SMYD3: variants seen among roughly 807,000 people sequenced by gnomAD.
SMYD3 encodes histone-lysine N-methyltransferase SMYD3.
In SMYD3, 36 loss-of-function variants were observed where a neutral mutation model predicts 57.7. That is an observed-to-expected ratio of 0.62 (90% CI 0.48 to 0.82). SMYD3 has a LOEUF of 0.82. Ranked by LOEUF, SMYD3 falls within the 40% of genes least tolerant of loss-of-function variation. The pLI is 0.00. For missense variants in SMYD3, 515 were observed against 538.8 expected, an observed-to-expected ratio of 0.96 and a Z score of 0.44; for synonymous variants, 211 against 195.0, an observed-to-expected ratio of 1.08 and a Z score of -0.68.
chr1:246,074,913 T>TACACACACACACACACACACACACAC, intron 5 of SMYD3, among the ~76,000 whole-genome samples: 1 of 148,472 alleles, frequency 6.7e-6, no homozygotes, highest in African/African-American at 2.5e-5. Flanking sequence ...GCTAAAGCAA[T>TACACACACACACACACACACACACAC]ACACACACAC....
intron 5 of SMYD3, among the ~76,000 whole-genome samples, chr1:246,101,465 G>A (rs2061014718): frequency 6.6e-6 from 1 of 151,956 alleles, no homozygotes; most frequent in Admixed American, 6.6e-5. Flanking sequence ...TCTTTCAACT[G>A]GCAGGAATTT....
intron 8 of SMYD3, among the ~76,000 whole-genome samples, chr1:245,893,369 C>T (rs1042774753): frequency 6.6e-6 from 1 of 152,094 alleles, no homozygotes; most frequent in Non-Finnish European, 1.5e-5. Flanking sequence ...AGGTATTTGT[C>T]CAAATAAAAT....
At chr1:246,027,970 G>C (rs983361804) in intron 5 of SMYD3, among the ~76,000 whole-genome samples, 1 of 152,150 alleles carries the variant, frequency 6.6e-6, no homozygotes, top group African/African-American at 2.4e-5. Context: ...ACAAGAGTTT[G>C]GAAGGTTGAT....
chr1:246,265,527 G>A lies in SMYD3; in HGVS notation c.531+61674C>T, dbSNP rs188714890. Among the ~76,000 whole-genome samples, 616 of 152,218 alleles carry A rather than the reference G, an allele frequency of 4.0e-3. 3 individuals are homozygous for A. Among genetic ancestry groups the A allele is most frequent in the African/African-American group, 0.014 (585 of 41,530 alleles). Reference sequence around the variant, plus strand: ...TGTGAGCCAGGAGAAAGAGACAAGAGGCTGACTCCAGAAAAACTGCAGTCT... The same window carrying A: ...TGTGAGCCAGGAGAAAGAGACAAGAAGCTGACTCCAGAAAAACTGCAGTCT... On this transcript the variant is annotated intron_variant, in intron 5 of 11. Transcript: ENST00000490107.
rs2051367724 is a variant in SMYD3 at position 245,858,492 on chromosome 1, T to C, written c.1076+4A>G. 3 of 1,612,470 alleles carry C rather than the reference T, an allele frequency of 1.9e-6. No individual in the cohort carries two copies. The highest frequency in any genetic ancestry group is 1.3e-5 in the African/African-American group (1 of 74,836). On this transcript the variant is annotated splice_donor_region_variant and intron_variant, in intron 10 of 11. Coordinates refer to ENST00000490107, the MANE Select transcript of SMYD3 (RefSeq NM_001167740.2). ...CTTATGTCAGCCCTCTCCCTGGGAC[T>C]TGCCTGTATGGCTCCATGGTCCGAG... is the stretch of plus-strand genomic sequence containing the variant.
chr1:246,282,141 G>A (rs1304130099), intron 5 of SMYD3, among the ~76,000 whole-genome samples: 1 of 151,736 alleles, frequency 6.6e-6, no homozygotes, highest in Non-Finnish European at 1.5e-5. Context: ...AAAGACAGAA[G>A]ATCATAAAAA....
chr1:245,811,630 C>G (rs2048477641), intron 10 of SMYD3, among the ~76,000 whole-genome samples: 1 of 152,178 alleles, frequency 6.6e-6, no homozygotes, highest in Non-Finnish European at 1.5e-5. Context: ...TCCACCCTCT[C>G]TCTACCAGAC....
chr1:245,998,476 C>T (rs1161150143), intron 5 of SMYD3, among the ~76,000 whole-genome samples: 1 of 152,176 alleles, frequency 6.6e-6, no homozygotes, highest in Non-Finnish European at 1.5e-5. Context: ...CAACCACATG[C>T]CCATCCCATT....
chr1:245,843,548 G>A (rs879619361), intron 10 of SMYD3, among the ~76,000 whole-genome samples: 14,126 of 47,410 alleles, frequency 0.3, 899 homozygotes, highest in East Asian at 0.55. Flanking sequence ...ATATGTGTGT[G>A]TGTGTGTGTG....
intron 5 of SMYD3, among the ~76,000 whole-genome samples, chr1:246,076,996 T>C (rs2060560886): frequency 6.6e-6 from 1 of 152,286 alleles, no homozygotes; most frequent in East Asian, 1.9e-4. Context: ...AGGAAAAGTT[T>C]GTCCTTGCAG....
At chr1:246,103,112 C>T (rs4654196) in intron 5 of SMYD3, among the ~76,000 whole-genome samples, 5 of 151,938 alleles carry the variant, frequency 3.3e-5, no homozygotes, top group African/African-American at 1.2e-4. Flanking sequence ...ACAAGGTAAG[C>T]TGTCAATAAA....
intron 10 of SMYD3, among the ~76,000 whole-genome samples, chr1:245,813,005 C>CTTTTTTTT (rs770448717): frequency 4.0e-5 from 3 of 75,628 alleles, no homozygotes; most frequent in African/African-American, 1.0e-4. Flanking sequence ...GAGACAGCTT[C>CTTTTTTTT]TTTTTTTTTT....
intron 5 of SMYD3, among the ~76,000 whole-genome samples, chr1:245,952,421 G>A (rs2057687282): frequency 6.6e-6 from 1 of 152,144 alleles, no homozygotes; most frequent in African/African-American, 2.4e-5. Flanking sequence ...TAAAGAAAAA[G>A]AAAAAGACTG....
intron 5 of SMYD3, among the ~76,000 whole-genome samples, chr1:246,222,823 T>C (rs1009294288): frequency 6.6e-6 from 1 of 152,130 alleles, no homozygotes; most frequent in Non-Finnish European, 1.5e-5. Context: ...AATGAGTGGG[T>C]CACCATGCGG....
At chr1:246,470,508 AT>A (rs1558479669) in intron 1 of SMYD3, among the ~76,000 whole-genome samples, 1 of 132,264 alleles carries the variant, frequency 7.6e-6, no homozygotes, top group African/African-American at 3.2e-5. Flanking sequence ...ATAAAAAAAA[AT>A]TAAAAAAAAA....
chr1:246,332,771 G>A (rs965036319), intron 3 of SMYD3, among the ~76,000 whole-genome samples: 2 of 152,208 alleles, frequency 1.3e-5, no homozygotes, highest in Non-Finnish European at 2.9e-5. Context: ...TCACGCCACT[G>A]CACCCCAGCC....
intron 5 of SMYD3, among the ~76,000 whole-genome samples, chr1:245,994,780 A>G (rs1190788933): frequency 1.3e-5 from 2 of 151,734 alleles, no homozygotes; most frequent in Non-Finnish European, 2.9e-5. Flanking sequence ...AGACTGAGAA[A>G]GTAAGAGATG....
At chr1:246,462,695 G>A (rs947337077) in intron 1 of SMYD3, among the ~76,000 whole-genome samples, 10 of 152,236 alleles carry the variant, frequency 6.6e-5, no homozygotes, top group Admixed American at 2.6e-4. Flanking sequence ...AAGGATTTTG[G>A]ATTTTATGTT....
intron 5 of SMYD3, among the ~76,000 whole-genome samples, chr1:246,199,047 G>C (rs1166524604): frequency 6.6e-6 from 1 of 152,062 alleles, no homozygotes; most frequent in Non-Finnish European, 1.5e-5. Flanking sequence ...GCTGAGGCTT[G>C]GGGTAGAAAT....
Sources: allele counts gnomAD v4.1 joint callset (sites outside exome capture counted in the v4.1 genomes callset), GRCh38; gene constraint gnomAD v4.1.1; transcripts MANE v1.5; gene names NCBI Gene and HGNC (gene_info 2026-07-23, HGNC 2026-07-21).